IMMP2L: variants seen among roughly 807,000 people sequenced by gnomAD.
The protein encoded by IMMP2L is inner mitochondrial membrane peptidase subunit 2, also known as mitochondrial inner membrane protease subunit 2.
In IMMP2L, 18 loss-of-function variants were observed where a neutral mutation model predicts 19.3. The observed-to-expected ratio is 0.93, with a 90% confidence interval of 0.64 to 1.38. The LOEUF (loss-of-function observed/expected upper bound fraction) is 1.38. IMMP2L is among the 40% of genes most tolerant of loss of function. IMMP2L has a pLI of 0.00. For missense variants in IMMP2L, 233 were observed against 218.2 expected (o/e 1.07, Z -0.43); for synonymous variants, 76 against 73.0 (o/e 1.04, Z -0.21).
chr7:111,485,615 A>AAAG, intron 3 of IMMP2L, among the ~76,000 whole-genome samples: 1 of 150,120 alleles, frequency 6.7e-6, no homozygotes, highest in East Asian at 1.9e-4. Flanking sequence ...AAAAAAAAAA[A>AAAG]AAAAAAAAAA....
chr7:110,683,634 C>T (rs1326173169), intron 5 of IMMP2L, among the ~76,000 whole-genome samples: 3 of 152,060 alleles, frequency 2.0e-5, no homozygotes, highest in Admixed American at 6.6e-5. Context: ...CTTCAGAAAT[C>T]ATCTTGTTAA....
intron 3 of IMMP2L, among the ~76,000 whole-genome samples, chr7:111,360,263 T>C (rs1011648439): frequency 6.6e-6 from 1 of 152,154 alleles, no homozygotes; most frequent in Non-Finnish European, 1.5e-5. Context: ...ACATGCATAC[T>C]AATTATTAAA....
intron 3 of IMMP2L, among the ~76,000 whole-genome samples, chr7:111,026,835 A>C (rs1045762950): frequency 6.6e-6 from 1 of 152,160 alleles, no homozygotes; most frequent in Non-Finnish European, 1.5e-5. Flanking sequence ...GTAGTTGTAT[A>C]CAGTTGTAGT....
intron 3 of IMMP2L, among the ~76,000 whole-genome samples, chr7:111,252,169 A>T (rs543768622): frequency 1.9e-4 from 29 of 152,204 alleles, no homozygotes; most frequent in African/African-American, 6.7e-4. Flanking sequence ...CAAAGTTCAC[A>T]TGCAGGATAC....
intron 5 of IMMP2L, among the ~76,000 whole-genome samples, chr7:110,712,879 G>A (rs1794982449): frequency 7.4e-6 from 1 of 135,992 alleles, no homozygotes; most frequent in Non-Finnish European, 1.6e-5. Flanking sequence ...CGCGCACAGT[G>A]CGCACACACA....
chr7:111,498,641 C>A (rs1397494163), intron 2 of IMMP2L, among the ~76,000 whole-genome samples: 2 of 152,088 alleles, frequency 1.3e-5, no homozygotes, highest in Non-Finnish European at 2.9e-5. Flanking sequence ...TCCAAAGAGG[C>A]CAAATTCCCC....
At chr7:110,937,711 C>T (rs1224738457) in intron 4 of IMMP2L, among the ~76,000 whole-genome samples, 1 of 152,116 alleles carries the variant, frequency 6.6e-6, no homozygotes, top group East Asian at 1.9e-4. Flanking sequence ...TGGCTTATAC[C>T]ACCAAGTTCT....
chr7:111,317,332 G>A (rs1264637049), intron 3 of IMMP2L, among the ~76,000 whole-genome samples: 1 of 152,020 alleles, frequency 6.6e-6, no homozygotes, highest in African/African-American at 2.4e-5. Context: ...GATTCTAATT[G>A]TCAGTATATC....
At chr7:111,355,735 G>A (rs1828631431) in intron 3 of IMMP2L, among the ~76,000 whole-genome samples, 1 of 151,864 alleles carries the variant, frequency 6.6e-6, no homozygotes, top group African/African-American at 2.4e-5. Flanking sequence ...TCTGAGCAAT[G>A]ATCCAAACAT....
At chr7:111,303,128 T>C (rs897625067) in intron 3 of IMMP2L, among the ~76,000 whole-genome samples, 2 of 152,176 alleles carry the variant, frequency 1.3e-5, no homozygotes, top group Non-Finnish European at 1.5e-5. Flanking sequence ...AATGCATTTC[T>C]AAGTATACAT....
At chr7:111,430,903 T>A (rs1030225183) in intron 3 of IMMP2L, among the ~76,000 whole-genome samples, 5 of 151,924 alleles carry the variant, frequency 3.3e-5, no homozygotes, top group African/African-American at 9.7e-5. Context: ...GGTCAGCAGT[T>A]CGAGACCAGC....
intron 5 of IMMP2L, among the ~76,000 whole-genome samples, chr7:110,820,796 G>C (rs377310687): frequency 6.6e-6 from 1 of 152,016 alleles, no homozygotes; most frequent in South Asian, 2.1e-4. Flanking sequence ...GAAGTACACC[G>C]AACTAAGAAG....
At chr7:111,269,171 C>T (rs993230373) in intron 3 of IMMP2L, among the ~76,000 whole-genome samples, 2 of 152,138 alleles carry the variant, frequency 1.3e-5, no homozygotes, top group Non-Finnish European at 2.9e-5. Context: ...AGAGGCTTCA[C>T]TGTAAAATTT....
intron 1 of IMMP2L, among the ~76,000 whole-genome samples, chr7:111,524,549 C>T (rs761369531): frequency 1.3e-5 from 2 of 152,060 alleles, no homozygotes; most frequent in Non-Finnish European, 2.9e-5. Context: ...ATCCCCACTC[C>T]GACTCAGACC....
At chr7:110,701,811 C>T (rs1470912288) in intron 5 of IMMP2L, among the ~76,000 whole-genome samples, 1 of 152,166 alleles carries the variant, frequency 6.6e-6, no homozygotes, top group Non-Finnish European at 1.5e-5. Flanking sequence ...AAATTGCAAA[C>T]CAGGATTTAA....
intron 1 of IMMP2L, among the ~76,000 whole-genome samples, chr7:111,561,039 T>G (rs936080686): frequency 1.3e-5 from 2 of 152,222 alleles, no homozygotes; most frequent in African/African-American, 2.4e-5. Flanking sequence ...GTTATTTATA[T>G]GTGACATATA....
intron 3 of IMMP2L, among the ~76,000 whole-genome samples, chr7:111,375,725 T>C (rs1418620297): frequency 1.3e-5 from 2 of 152,052 alleles, no homozygotes; most frequent in African/African-American, 2.4e-5. Context: ...GGATTCACCA[T>C]GTTGGCCAGG....
intron 4 of IMMP2L, among the ~76,000 whole-genome samples, chr7:110,958,867 G>A (rs745340848): frequency 3.9e-5 from 6 of 151,958 alleles, no homozygotes; most frequent in East Asian, 1.9e-4. Flanking sequence ...AGCACAGATC[G>A]GCAAAAGCAA....
intron 5 of IMMP2L, among the ~76,000 whole-genome samples, chr7:110,702,268 G>A (rs973834435): frequency 2.1e-4 from 32 of 151,884 alleles, no homozygotes; most frequent in African/African-American, 6.0e-4. Flanking sequence ...TTGAACGGTC[G>A]CACTTGTGAC....
Sources: allele counts gnomAD v4.1 joint callset (sites outside exome capture counted in the v4.1 genomes callset), GRCh38; gene constraint gnomAD v4.1.1; transcripts MANE v1.5; gene names NCBI Gene and HGNC (gene_info 2026-07-23, HGNC 2026-07-21).